MGAM: variants seen among roughly 807,000 people sequenced by gnomAD.
The protein encoded by MGAM is maltase-glucoamylase, also known as alpha-1,4-glucosidase.
In MGAM, 253 loss-of-function variants were observed where a neutral mutation model predicts 358.8. That is an observed-to-expected ratio of 0.71 (90% CI 0.64 to 0.78). The LOEUF is 0.78. Ranked by LOEUF, MGAM falls within the 30% of genes least tolerant of loss-of-function variation. MGAM has a pLI of 0.00. For synonymous variants in MGAM, 1,105 were observed against 1,227.1 expected (o/e 0.90, Z 2.08); for missense variants, 3,080 against 3,432.6 (o/e 0.90, Z 2.57).
rs748113191 is a variant in MGAM at position 142,078,878 on chromosome 7, A to G, written c.5717A>G (p.Tyr1906Cys). ...CTATACTCTGTCAGTGATGTTCAGT[A>G]TAACTCCCATGGGGCCACAGCTGAC... ...NDLYSVSDVQYNSHGATADIS... is the reference protein window; with the variant it reads ...NDLYSVSDVQCNSHGATADIS... Residue 1906 changes from tyrosine to cysteine, a missense_variant, in exon 49 of 71, where the codon TAT (tyrosine) becomes TGT (cysteine). By Grantham distance (194) the Tyr-to-Cys change is radical (BLOSUM62 -2). Coordinates refer to ENST00000475668, the MANE Select transcript of MGAM (RefSeq NM_001365693.1). 6.4e-7 allele frequency: 1 copy of G among 1,555,616 alleles called. No individual in the cohort carries two copies. The highest frequency in any genetic ancestry group is 2.3e-5 in the East Asian group (1 of 43,932).
chr7:142,081,017 A>G lies in MGAM; in HGVS notation c.6002+72A>G, dbSNP rs988036922. 2.7e-4 allele frequency: 342 copies of G among 1,287,998 alleles called. 40 individuals carry two copies. The highest frequency in any genetic ancestry group is 1.5e-3 in the Middle Eastern group (7 of 4,756). 79.8% of individuals were successfully genotyped at this position (1,287,998 alleles called of 1,614,324 possible). A position where few individuals can be genotyped will look rare whatever the true frequency, so the allele number is the denominator to read the frequency against. ...TCGCTGCCAGGTCCATTGTCCTTGG[A>G]TGTATCCTGGTTCAAAACATCACAT... On this transcript the variant is annotated intron_variant, in intron 50 of 70. Coordinates refer to ENST00000475668, the MANE Select transcript of MGAM (RefSeq NM_001365693.1).
At chr7:142,075,745 C>T (rs912300543) in intron 45 of MGAM, among the ~76,000 whole-genome samples, 1 of 145,944 alleles carries the variant, frequency 6.9e-6, no homozygotes, top group African/African-American at 2.4e-5. Context: ...GATGTCACCT[C>T]ACACCTGTTA....
rs760592782 is a variant in MGAM, at chr7:142,058,315, C to G, written c.3806C>G (p.Ala1269Gly). The change falls in exon 31 of 71, where the codon GCC (alanine) becomes GGC (glycine). Residue 1269 changes from alanine to glycine, a missense_variant. Ala to Gly is a moderately conservative substitution (Grantham distance 60). This residue lies in a region of MGAM where 1,816 missense variants were observed against 1,840.5 expected (regional missense o/e 0.99). Transcript: ENST00000475668. ...AGCTTGTATGATGAGATGGTGGCTGCCCAGATCCCTTATGTACGTTCTCAG... is the reference window on the plus strand; with the variant it reads ...AGCTTGTATGATGAGATGGTGGCTGGCCAGATCCCTTATGTACGTTCTCAG... The part of the protein sequence containing the change: ...IASLYDEMVA[A>G]QIPYDVQYSD... 3.7e-6 allele frequency: 6 copies of G among 1,613,838 alleles called. No homozygotes were observed. The South Asian group carries it at 5.5e-5, about 15-fold the overall frequency.
chr7:142,100,366 C>G (rs573907927), intron 67 of MGAM, among the ~76,000 whole-genome samples: 2 of 152,326 alleles, frequency 1.3e-5, no homozygotes, highest in East Asian at 1.9e-4. Flanking sequence ...TCACATCTCT[C>G]TGGTATCAAT....
chr7:142,047,258 G>C (rs907941262), intron 21 of MGAM, among the ~76,000 whole-genome samples: 6 of 152,138 alleles, frequency 3.9e-5, no homozygotes, highest in African/African-American at 1.4e-4. Flanking sequence ...GAGTAGATTA[G>C]AATGATTTGT....
At chr7:142,077,599 G>A (rs1813850115) in intron 47 of MGAM, among the ~76,000 whole-genome samples, 1 of 144,966 alleles carries the variant, frequency 6.9e-6, no homozygotes, top group Admixed American at 7.0e-5. Flanking sequence ...AAGATGCTGG[G>A]ATGTTAGAAG....
At chr7:142,024,622 A>AACTC (rs148461237) in intron 7 of MGAM, among the ~76,000 whole-genome samples, 1,820 of 152,276 alleles carry the variant, frequency 0.012, 19 homozygotes, top group Non-Finnish European at 0.019. Flanking sequence ...CTAGGTTGAG[A>AACTC]ACTCCTGTTC....
intron 3 of MGAM, among the ~76,000 whole-genome samples, chr7:142,018,645 T>C (rs1328756883): frequency 6.6e-6 from 1 of 152,226 alleles, no homozygotes; most frequent in Non-Finnish European, 1.5e-5. Flanking sequence ...CACACCTTTC[T>C]TAAGTAAGAA....
chr7:142,087,697 A>G (rs752322018), intron 57 of MGAM, among the ~76,000 whole-genome samples: 2 of 146,606 alleles, frequency 1.4e-5, no homozygotes, highest in African/African-American at 2.4e-5. Context: ...ATCTGCCAGG[A>G]ATTGAAGGGA....
At chr7:142,041,533 C>T (rs1274556777) in intron 21 of MGAM, among the ~76,000 whole-genome samples, 1 of 151,950 alleles carries the variant, frequency 6.6e-6, no homozygotes, top group African/African-American at 2.4e-5. Flanking sequence ...AAATGAAAAT[C>T]TCAACTGGTT....
rs866872008 is a variant in MGAM, at chr7:142,067,957, T to A, written c.5004+532T>A. 5.1e-4 allele frequency among the ~76,000 whole-genome samples: 18 copies of A among 35,512 alleles called. 1 individual carries two copies. The highest frequency in any genetic ancestry group is 1.4e-3 in the African/African-American group (18 of 12,822). 23.3% of individuals were successfully genotyped at this position (35,512 alleles called of 152,430 possible). A position where few individuals can be genotyped will look rare whatever the true frequency, so the allele number is the denominator to read the frequency against. ...TCAAATATATATATATATATATATATATATATAAATATATATATATATATA... is the reference window on the plus strand; with the variant it reads ...TCAAATATATATATATATATATATAAATATATAAATATATATATATATATA... On this transcript the variant is annotated intron_variant, in intron 42 of 70. Transcript: ENST00000475668.
rs1301702103 is a variant in MGAM at position 142,088,739 on chromosome 7, GTCTGTCTGTCTATCTATCTATCTA to G, written c.6810+2026_6810+2049del. 1.4e-4 allele frequency among the ~76,000 whole-genome samples: 14 copies of G among 102,556 alleles called. 1 individual carries two copies. Among genetic ancestry groups the G allele is most frequent in the South Asian group, 6.4e-4 (2 of 3,146 alleles). The allele number at this position is 102,556 out of a possible 152,430, so 67.3% of individuals were successfully genotyped here. On this transcript the variant is annotated intron_variant, in intron 57 of 70. Transcript: ENST00000475668. ...TTCATTTATGTCTGTCTGTCTGTCT[GTCTGTCTGTCTATCTATCTATCTA>G]TCTATCTATCTATCTATCTATCTAT... is the stretch of plus-strand genomic sequence containing the variant.
chr7:142,024,523 A>G (rs1375176027), intron 7 of MGAM, among the ~76,000 whole-genome samples: 5 of 152,202 alleles, frequency 3.3e-5, no homozygotes, highest in South Asian at 2.1e-4. Flanking sequence ...ATGTGACTAC[A>G]TGTTGAAGTT....
intron 3 of MGAM, among the ~76,000 whole-genome samples, chr7:142,018,350 A>C (rs1177499765): frequency 1.3e-5 from 2 of 152,222 alleles, no homozygotes; most frequent in African/African-American, 4.8e-5. Flanking sequence ...CAGTGTGACA[A>C]CTTGCCTCTC....
chr7:142,000,858 C>A (rs1187028486), intron 1 of MGAM, among the ~76,000 whole-genome samples: 1 of 152,024 alleles, frequency 6.6e-6, no homozygotes, highest in Non-Finnish European at 1.5e-5. Flanking sequence ...ATAGTTTGAC[C>A]AGCAGTCGGT....
At position 142,020,607 on chromosome 7, in the gene MGAM, T is replaced by A. The variant is rs868915400; in HGVS notation, c.449-367T>A. 6.1e-4 allele frequency among the ~76,000 whole-genome samples: 84 copies of A among 138,222 alleles called. No homozygotes were observed. In the East Asian group the frequency reaches 6.8e-3, roughly 11 times the overall value. The allele number at this position is 138,222 out of a possible 152,430, so 90.7% of individuals were successfully genotyped here. A position where few individuals can be genotyped will look rare whatever the true frequency, so the allele number is the denominator to read the frequency against. ...TCCTAATATATATATATATATATTT[T>A]TTTTTTTTTTTTGAGAAGGAGCCTC... On this transcript the variant is annotated intron_variant, in intron 4 of 70. Transcript: ENST00000475668.
chr7:142,041,947 TACATATATATA>T (rs1808704595), intron 21 of MGAM, among the ~76,000 whole-genome samples: 1 of 16,996 alleles, frequency 5.9e-5, no homozygotes, highest in African/African-American at 1.7e-4. Flanking sequence ...ATTATATATA[TACATATATATA>T]ATATATATAT....
chr7:142,023,552 A>G (rs1806664167), intron 7 of MGAM, among the ~76,000 whole-genome samples: 1 of 152,110 alleles, frequency 6.6e-6, no homozygotes, highest in African/African-American at 2.4e-5. Flanking sequence ...AGCGAAGCCA[A>G]ATTAATAGCT....
intron 34 of MGAM, among the ~76,000 whole-genome samples, chr7:142,062,279 C>A (rs7788669): frequency 0.067 from 10,220 of 152,204 alleles, 711 homozygotes; most frequent in African/African-American, 0.17. Flanking sequence ...GAGGGTTGGG[C>A]ATCGAGTGCA....
Sources: gnomAD v4.1 joint callset for allele counts (sites outside exome capture counted in the v4.1 genomes callset) on GRCh38, gnomAD v4.1.1 for gene constraint, gnomAD v4.1.1 regional missense constraint, MANE v1.5 for transcripts, NCBI Gene and HGNC (gene_info 2026-07-23, HGNC 2026-07-21) for gene names.